Variants in CSMD1 observed in about 807,000 individuals in gnomAD.
The protein encoded by CSMD1 is CUB and sushi domain-containing protein 1.
In CSMD1, 213 loss-of-function variants were observed where a neutral mutation model predicts 417.5. The ratio of observed to expected loss-of-function variants is 0.51; its 90% CI spans 0.46 to 0.57. CSMD1 has a LOEUF of 0.57. Ranked by LOEUF, CSMD1 falls within the 20% of genes least tolerant of loss-of-function variation. CSMD1 has a pLI of 0.00. For synonymous variants in CSMD1, 2,862 were observed against 1,736.8 expected (o/e 1.65, Z -16.11); for missense variants, 6,923 against 4,529.7 (o/e 1.53, Z -15.17).
At chr8:3,616,164 C>T (rs1439067491) in intron 8 of CSMD1, among the ~76,000 whole-genome samples, 1 of 151,904 alleles carries the variant, frequency 6.6e-6, no homozygotes, top group Non-Finnish European at 1.5e-5. Context: ...TGGCTCTGTC[C>T]CCACGCAAAT....
At chr8:3,381,285 G>C (rs1019689928) in intron 18 of CSMD1, among the ~76,000 whole-genome samples, 3 of 151,744 alleles carry the variant, frequency 2.0e-5, no homozygotes, top group Non-Finnish European at 4.4e-5. Context: ...AAAAAAGAGA[G>C]CAGCTTACAC....
At chr8:3,375,550 C>T (rs1229488133) in intron 18 of CSMD1, among the ~76,000 whole-genome samples, 2 of 152,144 alleles carry the variant, frequency 1.3e-5, no homozygotes, top group African/African-American at 4.8e-5. Context: ...TATATGAATA[C>T]ATTATATATA....
chr8:3,700,081 T>C (rs1227122448), intron 7 of CSMD1, among the ~76,000 whole-genome samples: 1 of 152,130 alleles, frequency 6.6e-6, no homozygotes, highest in Non-Finnish European at 1.5e-5. Context: ...ATAAGAATGA[T>C]ACAAAGGGCT....
chr8:4,290,773 G>C (rs1450222082), intron 3 of CSMD1, among the ~76,000 whole-genome samples: 1 of 152,124 alleles, frequency 6.6e-6, no homozygotes, highest in Non-Finnish European at 1.5e-5. Flanking sequence ...TATTCTGTAA[G>C]TCTGATTTTT....
At chr8:4,694,036 G>C (rs775954936) in intron 1 of CSMD1, among the ~76,000 whole-genome samples, 15 of 152,166 alleles carry the variant, frequency 9.9e-5, no homozygotes, top group Non-Finnish European at 2.2e-4. Context: ...GAAAAGTCAA[G>C]CTGGGAACTG....
chr8:3,800,824 C>T (rs1800414667), intron 5 of CSMD1, among the ~76,000 whole-genome samples: 2 of 152,090 alleles, frequency 1.3e-5, no homozygotes, highest in Admixed American at 6.6e-5. Flanking sequence ...CTTTGACCTT[C>T]TTCATCATGT....
intron 5 of CSMD1, among the ~76,000 whole-genome samples, chr8:3,992,575 G>C (rs1429237885): frequency 1.3e-5 from 2 of 152,200 alleles, no homozygotes; most frequent in East Asian, 1.9e-4. Context: ...CTTGAGTCCA[G>C]GATTTTGAGA....
chr8:3,682,725 A>G (rs972903027), intron 7 of CSMD1, among the ~76,000 whole-genome samples: 5 of 152,250 alleles, frequency 3.3e-5, no homozygotes, highest in African/African-American at 1.2e-4. Flanking sequence ...TCATGCTGTT[A>G]TAAAGACACA....
chr8:4,657,960 G>A (rs1368753520), intron 1 of CSMD1, among the ~76,000 whole-genome samples: 1 of 147,062 alleles, frequency 6.8e-6, no homozygotes, highest in Non-Finnish European at 1.5e-5. Context: ...CTCATGAGAA[G>A]GTTTCAAAAG....
intron 4 of CSMD1, among the ~76,000 whole-genome samples, chr8:4,031,215 C>G (rs889797995): frequency 6.6e-6 from 1 of 152,174 alleles, no homozygotes; most frequent in Non-Finnish European, 1.5e-5. Context: ...TGGTACCAAT[C>G]TATTGTATTA....
intron 1 of CSMD1, among the ~76,000 whole-genome samples, chr8:4,833,670 C>T (rs1218648620): frequency 6.6e-6 from 1 of 152,128 alleles, no homozygotes; most frequent in Admixed American, 6.5e-5. Flanking sequence ...TAGAGTGTTG[C>T]CTGCACAGCA....
At chr8:4,901,681 C>T (rs1473523669) in intron 1 of CSMD1, among the ~76,000 whole-genome samples, 1 of 152,168 alleles carries the variant, frequency 6.6e-6, no homozygotes, top group African/African-American at 2.4e-5. Flanking sequence ...AAAAATCCAA[C>T]TGGCAGTATG....
intron 61 of CSMD1, among the ~76,000 whole-genome samples, chr8:2,961,572 G>A (rs1315069609): frequency 6.6e-6 from 1 of 151,726 alleles, no homozygotes; most frequent in East Asian, 1.9e-4. Flanking sequence ...TCAATAATTG[G>A]CCATCTCATT....
chr8:3,903,164 T>C (rs1282175226), intron 5 of CSMD1, among the ~76,000 whole-genome samples: 6 of 152,138 alleles, frequency 3.9e-5, no homozygotes, highest in African/African-American at 1.4e-4. Context: ...GCATTCCATT[T>C]AGCGATTGAG....
rs372268549 is a variant in CSMD1, at chr8:4,015,568, C to T, written c.610+16337G>A. ...TTTATTAAAGGTATCAGTGCTACTG[C>T]TATGTTATTTAGTGGCATCTTGGCC... On this transcript the variant is annotated intron_variant, in intron 4 of 69. Coordinates refer to ENST00000635120, the MANE Select transcript of CSMD1 (RefSeq NM_033225.6). Among the ~76,000 whole-genome samples the T allele has an allele frequency of 2.0e-5, 3 of 148,760 alleles. No homozygotes were observed. The Admixed American group carries it at 2.0e-4, about 10-fold the overall frequency.
At chr8:3,629,130 C>A (rs1269325535) in intron 7 of CSMD1, among the ~76,000 whole-genome samples, 1 of 151,996 alleles carries the variant, frequency 6.6e-6, no homozygotes, top group Non-Finnish European at 1.5e-5. Flanking sequence ...TCAGGCATGA[C>A]GTGAGCAAAG....
At chr8:4,210,526 G>A (rs1034436621) in intron 3 of CSMD1, among the ~76,000 whole-genome samples, 3 of 151,980 alleles carry the variant, frequency 2.0e-5, no homozygotes. Flanking sequence ...GTGTGAAATT[G>A]GTTCATCTTT....
intron 3 of CSMD1, 131 bp downstream of exon 3, chr8:4,419,822 C>T (rs989843037): frequency 2.3e-5 from 14 of 598,978 alleles, no homozygotes; most frequent in Non-Finnish European, 3.6e-5. Flanking sequence ...TTGCATTACA[C>T]AGAAGCCAAA....
At chr8:4,120,394 C>G (rs1054098769) in intron 3 of CSMD1, among the ~76,000 whole-genome samples, 1 of 152,088 alleles carries the variant, frequency 6.6e-6, no homozygotes, top group Non-Finnish European at 1.5e-5. Context: ...ACATGCTGAC[C>G]GTATGCCCAT....
Sources: allele counts gnomAD v4.1 joint callset (sites outside exome capture counted in the v4.1 genomes callset), GRCh38; gene constraint gnomAD v4.1.1; transcripts MANE v1.5; gene names NCBI Gene and HGNC (gene_info 2026-07-23, HGNC 2026-07-21).